DDX10: variants seen among roughly 807,000 people sequenced by gnomAD.
The protein encoded by DDX10 is probable ATP-dependent RNA helicase DDX10.
Under a neutral mutation model 104.3 loss-of-function variants are expected in DDX10, and 74 were observed. That is an observed-to-expected ratio of 0.71 (90% CI 0.59 to 0.86). The LOEUF (loss-of-function observed/expected upper bound fraction) is 0.86. Ranked by LOEUF, DDX10 falls within the 40% of genes least tolerant of loss-of-function variation. DDX10 has a pLI of 0.00. For synonymous variants in DDX10, 351 were observed against 353.4 expected (o/e 0.99, Z 0.08); for missense variants, 952 against 1,040.0 (o/e 0.92, Z 1.16).
intron 13 of DDX10, among the ~76,000 whole-genome samples, chr11:108,804,932 G>A (rs916229388): frequency 1.3e-5 from 2 of 152,106 alleles, no homozygotes; most frequent in Non-Finnish European, 2.9e-5. Context: ...GCTTAATCAT[G>A]GGAGTGACAT....
chr11:108,677,848 G>GT (rs1377480967), intron 4 of DDX10, among the ~76,000 whole-genome samples: 4 of 151,774 alleles, frequency 2.6e-5, no homozygotes, highest in East Asian at 1.9e-4. Flanking sequence ...ACAACATTCT[G>GT]TTTTTTCCCA....
At chr11:108,919,316 T>G (rs770516238) in intron 17 of DDX10, 2 of 152,186 alleles carry the variant, frequency 1.3e-5, no homozygotes, top group Non-Finnish European at 2.9e-5. Context: ...TTGATTAGGA[T>G]TTAGAAAAAT....
At chr11:108,697,199 G>T (rs2094261068) in intron 9 of DDX10, among the ~76,000 whole-genome samples, 2 of 147,714 alleles carry the variant, frequency 1.4e-5, no homozygotes, top group Non-Finnish European at 3.0e-5. Flanking sequence ...TGTATAGTAT[G>T]TGGAAAGGTT....
At chr11:108,704,211 C>A (rs1169803227) in intron 9 of DDX10, among the ~76,000 whole-genome samples, 1 of 152,118 alleles carries the variant, frequency 6.6e-6, no homozygotes, top group Non-Finnish European at 1.5e-5. Context: ...TGAGTGAATG[C>A]CTTTTTGGTC....
intron 13 of DDX10, among the ~76,000 whole-genome samples, chr11:108,806,853 T>C (rs531990430): frequency 1.3e-5 from 2 of 152,270 alleles, no homozygotes; most frequent in East Asian, 1.9e-4. Flanking sequence ...AGAAGGCCGA[T>C]ATGAAGAGAT....
intron 13 of DDX10, among the ~76,000 whole-genome samples, chr11:108,785,065 C>T (rs868105782): frequency 6.6e-6 from 1 of 152,044 alleles, no homozygotes; most frequent in Non-Finnish European, 1.5e-5. Context: ...TCTTTTGTAC[C>T]AGTACCATGC....
At chr11:108,830,045 G>T (rs1395206361) in intron 13 of DDX10, among the ~76,000 whole-genome samples, 1 of 152,144 alleles carries the variant, frequency 6.6e-6, no homozygotes, top group African/African-American at 2.4e-5. Flanking sequence ...GGCCACACAG[G>T]ATCGTTTTTG....
chr11:108,916,027 A>G (rs1304768290), intron 16 of DDX10, among the ~76,000 whole-genome samples: 7 of 151,362 alleles, frequency 4.6e-5, no homozygotes, highest in Non-Finnish European at 1.0e-4. Context: ...AATACAGTAT[A>G]TTAAATGAAT....
At chr11:108,891,523 A>G (rs1863376218) in intron 16 of DDX10, among the ~76,000 whole-genome samples, 1 of 152,204 alleles carries the variant, frequency 6.6e-6, no homozygotes. Flanking sequence ...CAAATTATAT[A>G]TGACTCTGTG....
intron 16 of DDX10, among the ~76,000 whole-genome samples, chr11:108,873,495 T>A (rs986060106): frequency 6.6e-6 from 1 of 152,182 alleles, no homozygotes; most frequent in Non-Finnish European, 1.5e-5. Flanking sequence ...AGGATTGTTT[T>A]CCCCTCCTAA....
chr11:108,713,163 T>A (rs556365923), intron 10 of DDX10, among the ~76,000 whole-genome samples: 1 of 152,284 alleles, frequency 6.6e-6, no homozygotes, highest in East Asian at 1.9e-4. Flanking sequence ...TTTCTGTCTC[T>A]CCCTCTCGCT....
chr11:108,704,270 G>A (rs542149768), intron 9 of DDX10, among the ~76,000 whole-genome samples: 17 of 152,254 alleles, frequency 1.1e-4, no homozygotes, highest in African/African-American at 4.1e-4. Flanking sequence ...ATGTAGATTT[G>A]TGGGCCTATT....
chr11:108,815,191 A>G (rs1315621345), intron 13 of DDX10, among the ~76,000 whole-genome samples: 1 of 152,100 alleles, frequency 6.6e-6, no homozygotes, highest in Non-Finnish European at 1.5e-5. Flanking sequence ...TGGTTTATAT[A>G]CTCCTGGGTC....
chr11:108,889,740 A>G (rs995257037), intron 16 of DDX10, among the ~76,000 whole-genome samples: 1 of 152,216 alleles, frequency 6.6e-6, no homozygotes, highest in African/African-American at 2.4e-5. Flanking sequence ...CCAGAATTAC[A>G]AAGCAAACTC....
chr11:108,934,337 C>A (rs1329392562), intron 17 of DDX10, among the ~76,000 whole-genome samples: 1 of 152,162 alleles, frequency 6.6e-6, no homozygotes, highest in Non-Finnish European at 1.5e-5. Context: ...TTGGGGAAAA[C>A]ATGTAATAGA....
intron 9 of DDX10, among the ~76,000 whole-genome samples, chr11:108,700,426 A>G (rs145418328): frequency 1.1e-4 from 17 of 152,312 alleles, no homozygotes; most frequent in African/African-American, 3.8e-4. Flanking sequence ...CATTCTTGCC[A>G]GTGTGCCCTG....
At chr11:108,903,764 C>T (rs1018423120) in intron 16 of DDX10, among the ~76,000 whole-genome samples, 1 of 152,064 alleles carries the variant, frequency 6.6e-6, no homozygotes, top group Non-Finnish European at 1.5e-5. Context: ...CCCACAGATA[C>T]CAAGAGACAA....
intron 13 of DDX10, among the ~76,000 whole-genome samples, chr11:108,836,590 G>C (rs142642748): frequency 1.3e-5 from 2 of 152,200 alleles, no homozygotes; most frequent in South Asian, 4.1e-4. Flanking sequence ...AGGTTTAAGC[G>C]ATTGTCATGC....
At chr11:108,895,283 G>A (rs61915184) in intron 16 of DDX10, among the ~76,000 whole-genome samples, 7,785 of 151,166 alleles carry the variant, frequency 0.051, 256 homozygotes, top group Non-Finnish European at 0.076. Flanking sequence ...TTGTACTTAA[G>A]GTGTGATTTG....
Sources: allele counts gnomAD v4.1 joint callset (sites outside exome capture counted in the v4.1 genomes callset), GRCh38; gene constraint gnomAD v4.1.1; transcripts MANE v1.5; gene names NCBI Gene and HGNC (gene_info 2026-07-23, HGNC 2026-07-21).